EMC10: variants seen among roughly 807,000 people sequenced by gnomAD.
EMC10 encodes UPF0510 protein INM02.
Under a neutral mutation model 32.2 loss-of-function variants are expected in EMC10, and 40 were observed. The observed-to-expected ratio is 1.24, with a 90% confidence interval of 0.96 to 1.61. EMC10 has a LOEUF of 1.61. Among genes scored for constraint, EMC10 ranks in the 40% most tolerant of loss-of-function variants. The pLI is 0.00. For missense variants in EMC10, 402 were observed against 357.7 expected (o/e 1.12, Z -1.00); for synonymous variants, 178 against 158.4 (o/e 1.12, Z -0.93).
Position 50,480,758 on chromosome 19 carries a change from C to G in EMC10, c.580C>G (p.Pro194Ala). 1 of 1,586,592 alleles carries G rather than the reference C, an allele frequency of 6.3e-7. No homozygotes were observed. The highest frequency in any genetic ancestry group is 8.6e-7 in the Non-Finnish European group (1 of 1,165,544). The change falls in exon 5 of 7, where the codon CCA (proline) becomes GCA (alanine). Residue 194 changes from proline (P) to alanine (A), a missense_variant. Pro to Ala is a conservative substitution (Grantham distance 27, BLOSUM62 -1). Transcript: ENST00000334976. This position sits in a 1 kb window ranked among gnomAD's most constrained non-coding sequence, Gnocchi z 4.4. Reference protein sequence around the residue: ...SVQLQPPTTAPGPETAAFIER... With the variant: ...SVQLQPPTTAAGPETAAFIER... The stretch of plus-strand genomic sequence containing the variant: ...GCAGCTGCAGCCGCCCACCACAGCC[C>G]CAGGGTGAGCCTCTGCTGCCTTCGC...
In EMC10 at chr19:50,480,575, C is replaced by G. The variant is rs1443583272; in HGVS notation, c.403-6C>G. The G allele has an allele frequency of 2.4e-5, 37 of 1,551,904 alleles. No homozygotes were observed. The highest frequency in any genetic ancestry group is 3.2e-5 in the Non-Finnish European group (37 of 1,147,742). On this transcript the variant is annotated splice_region_variant and splice_polypyrimidine_tract_variant and intron_variant, in intron 4 of 6. Coordinates refer to ENST00000334976, the MANE Select transcript of EMC10 (RefSeq NM_206538.4). The surrounding 1 kb of genome is among the most constrained non-coding windows in gnomAD (Gnocchi z 4.4). ...CCCACCTCCACTGACCCCACTCCCC[C>G]CACAGTGCTCCCTGGTGGAGTCGCA... is the stretch of plus-strand genomic sequence containing the variant.
Position 50,480,731 on chromosome 19 carries a change from G to T in EMC10, c.553G>T (p.Val185Leu), listed in dbSNP as rs372648694. The change falls in exon 5 of 7, where the codon GTG becomes TTG. Residue 185 changes from valine (V) to leucine (L), a missense_variant. Transcript: ENST00000334976. This position sits in a 1 kb window ranked among gnomAD's most constrained non-coding sequence, Gnocchi z 4.4. ...DVDLELFNTS[V>L]QLQPPTTAPG... ...GGACCTGGAGCTGTTCAACACCTCG[G>T]TGCAGCTGCAGCCGCCCACCACAGC... 4.4e-6 allele frequency: 7 copies of T among 1,602,046 alleles called. No homozygotes were observed. The highest frequency in any genetic ancestry group is 3.4e-6 in the Non-Finnish European group (4 of 1,174,808).
intron 3 of EMC10, among the ~76,000 whole-genome samples, chr19:50,479,790 T>C (rs1158236149): frequency 6.6e-6 from 1 of 152,196 alleles, no homozygotes; most frequent in African/African-American, 2.4e-5. Context: ...CGTCCAGGCA[T>C]AGGGTGGACG....
chr19:50,476,966 G>A (rs904844414), intron 1 of EMC10: 5 of 296,916 alleles, frequency 1.7e-5, no homozygotes, highest in Non-Finnish European at 3.1e-5. Flanking sequence ...AAATGAAAGA[G>A]GCAAGGTGAA....
chr19:50,476,655 A>AG lies in EMC10; in HGVS notation c.114+1dup, dbSNP rs758567631. On this transcript the variant is annotated frameshift_variant, in exon 1 of 7. Coordinates refer to ENST00000334976, the MANE Select transcript of EMC10 (RefSeq NM_206538.4). LOFTEE classifies it high-confidence loss of function. ...GCTGCCGGGCCGGGACTGGTGCGCGAGGGGTGAGTGCTCTTTAGCTGTGCA... is the reference window on the plus strand; with the variant it reads ...GCTGCCGGGCCGGGACTGGTGCGCGAGGGGGTGAGTGCTCTTTAGCTGTGCA... The AG allele has an allele frequency of 3.3e-6, 5 of 1,525,276 alleles. No individual in the cohort carries two copies. The highest frequency in any genetic ancestry group is 3.5e-6 in the Non-Finnish European group (4 of 1,141,134). The allele number at this position is 1,525,276 out of a possible 1,614,324, so 94.5% of individuals were successfully genotyped here. A position where few individuals can be genotyped will look rare whatever the true frequency, so the allele number is the denominator to read the frequency against.
Position 50,476,648 on chromosome 19 carries a change from G to A in EMC10, c.104G>A (p.Gly35Asp). The change falls in exon 1 of 7, where the codon GGT becomes GAT. Residue 35 changes from glycine to aspartate, a missense_variant. Transcript: ENST00000334976. The part of the protein sequence containing the change: ...ARGSGCRAGT[G>D]ARGAGAEGRE... ...GGCAGCGGCTGCCGGGCCGGGACTG[G>A]TGCGCGAGGGGTGAGTGCTCTTTAG... 1.3e-6 allele frequency: 2 copies of A among 1,533,724 alleles called. No individual in the cohort carries two copies. The highest frequency in any genetic ancestry group is 2.4e-5 in the East Asian group (1 of 41,274).
chr19:50,481,973 C>A, intron 6 of EMC10, 176 bp from the exon 7 acceptor site: 1 of 1,607,230 alleles, frequency 6.2e-7, no homozygotes, highest in Non-Finnish European at 8.5e-7. Flanking sequence ...CCTGCCCCTC[C>A]CTGCGCCCCA....
At position 50,482,788 on chromosome 19, in the gene EMC10, A is replaced by C; in HGVS notation, c.*529A>C. 2.0e-6 allele frequency: 1 copy of C among 505,912 alleles called. No homozygotes were observed. Among genetic ancestry groups the C allele is most frequent in the Non-Finnish European group, 3.5e-6 (1 of 287,712 alleles). 31.3% of individuals were successfully genotyped at this position (505,912 alleles called of 1,614,324 possible). On this transcript the variant is annotated 3_prime_UTR_variant, in exon 7 of 7. Transcript: ENST00000334976. The stretch of plus-strand genomic sequence containing the variant: ...CCCTGGGTCCCCTCATCAGGGGCAG[A>C]GGCATGAAAGAGTCGGGGCTGGATG...
chr19:50,476,834 C>T (rs1319665687), intron 1 of EMC10, 176 bp downstream of exon 1: 3 of 504,620 alleles, frequency 5.9e-6, no homozygotes, highest in South Asian at 2.8e-5. Context: ...GCCAGTGCAC[C>T]GGGTTGCAAG....
rs1306352713 is a variant in EMC10 at position 50,482,519 on chromosome 19, T to A, written c.*260T>A. On this transcript the variant is annotated 3_prime_UTR_variant, in exon 7 of 7. Transcript: ENST00000334976. ...CATGCAGCCCCAGGGGCTTCCCCCCTGCCCATGGAGTAGAGCCCGAGATCC... is the reference window on the plus strand; with the variant it reads ...CATGCAGCCCCAGGGGCTTCCCCCCAGCCCATGGAGTAGAGCCCGAGATCC... The A allele has an allele frequency of 1.2e-5, 7 of 562,740 alleles. No homozygotes were observed. Among genetic ancestry groups the A allele is most frequent in the African/African-American group, 1.2e-4 (6 of 51,928 alleles). 34.9% of individuals were successfully genotyped at this position (562,740 alleles called of 1,614,324 possible).
chr19:50,479,129 G>A (rs558192131), intron 3 of EMC10, 63 bp downstream of exon 3: 1 of 1,317,750 alleles, frequency 7.6e-7, no homozygotes, highest in African/African-American at 1.5e-5. Flanking sequence ...TGTCTCTTCA[G>A]CCACCCCCTG....
Position 50,479,070 on chromosome 19 carries a change from A to T in EMC10, c.297+4A>T, listed in dbSNP as rs370430950. On this transcript the variant is annotated splice_donor_region_variant and intron_variant, in intron 3 of 6. Transcript: ENST00000334976. ...GGAGGAGCGGGGCCGACTCCGGGTG[A>T]GGTGGGGCCCTCAGGGCTGGGTGTG... The T allele has an allele frequency of 8.8e-6, 14 of 1,597,070 alleles. No individual in the cohort carries two copies. In the African/African-American group the frequency reaches 1.7e-4, roughly 20 times the overall value.
At position 50,476,658 on chromosome 19, in the gene EMC10, G is replaced by A. The variant is rs1277348841; in HGVS notation, c.114G>A (p.Gly38=). The A allele has an allele frequency of 1.8e-5, 27 of 1,520,074 alleles. No homozygotes were observed. Among genetic ancestry groups the A allele is most frequent in the Admixed American group, 4.1e-5 (2 of 49,216 alleles). The allele number at this position is 1,520,074 out of a possible 1,614,324, so 94.2% of individuals were successfully genotyped here. A position where few individuals can be genotyped will look rare whatever the true frequency, so the allele number is the denominator to read the frequency against. ...SGCRAGTGAR[G]AGAEGREGEA... Reference sequence around the variant, plus strand: ...GCCGGGCCGGGACTGGTGCGCGAGGGGTGAGTGCTCTTTAGCTGTGCATAG... The same window carrying A: ...GCCGGGCCGGGACTGGTGCGCGAGGAGTGAGTGCTCTTTAGCTGTGCATAG... Residue 38 remains glycine, a splice_region_variant and synonymous_variant, in exon 1 of 7, where the codon GGG becomes GGA. Coordinates refer to ENST00000334976, the MANE Select transcript of EMC10 (RefSeq NM_206538.4).
At position 50,482,136 on chromosome 19, in the gene EMC10, C is replaced by T. The variant is rs755330347; in HGVS notation, c.679-13C>T. 4.5e-5 allele frequency: 69 copies of T among 1,539,960 alleles called. No homozygotes were observed. Among genetic ancestry groups the T allele is most frequent in the Admixed American group, 4.2e-4 (25 of 59,832 alleles). ...TTCTGTGTCTGTCTGTCCATCCTTC[C>T]GTCCGGCTGCAGTGGATGTACATCA... is the stretch of plus-strand genomic sequence containing the variant. On this transcript the variant is annotated splice_polypyrimidine_tract_variant and intron_variant, in intron 6 of 6. Transcript: ENST00000334976.
At chr19:50,482,068 G>T (rs2040329184) in intron 6 of EMC10, 81 bp from the exon 7 acceptor site, 1 of 1,421,144 alleles carries the variant, frequency 7.0e-7, no homozygotes, top group Non-Finnish European at 1.0e-6. Context: ...CCCCACCGTG[G>T]GTGGGTGATG....
At chr19:50,476,891 G>T in intron 1 of EMC10, 2 of 422,544 alleles carry the variant, frequency 4.7e-6, no homozygotes, top group Non-Finnish European at 4.2e-6. Flanking sequence ...TCTGGCTCGG[G>T]AATATGTATG....
In EMC10 at chr19:50,486,496, T is replaced by G. The variant is rs1449721513; in HGVS notation, c.*4237T>G. The G allele has an allele frequency of 1.3e-5, 2 of 152,160 alleles. No homozygotes were observed. Among genetic ancestry groups the G allele is most frequent in the Non-Finnish European group, 1.5e-5 (1 of 68,020 alleles). The allele number at this position is 152,160 out of a possible 1,614,324, so 9.4% of individuals were successfully genotyped here. A position where few individuals can be genotyped will look rare whatever the true frequency, so the allele number is the denominator to read the frequency against. ...CCACCGCCCCTGGCCTCTGTAGGCT[T>G]CTTTAACCCATCAGAGAGACTCCCT... On this transcript the variant is annotated 3_prime_UTR_variant, in exon 7 of 7. Coordinates refer to ENST00000334976, the MANE Select transcript of EMC10 (RefSeq NM_206538.4).
rs755348740 is a variant in EMC10 at position 50,482,208 on chromosome 19, G to A, written c.738G>A (p.Gly246=). The A allele has an allele frequency of 1.8e-6, 2 of 1,130,018 alleles. No individual in the cohort carries two copies. The highest frequency in any genetic ancestry group is 4.9e-5 in the East Asian group (2 of 41,092). The allele number at this position is 1,130,018 out of a possible 1,614,324, so 70.0% of individuals were successfully genotyped here. ...FLMMSGAPDT[G]GQGGGGGGGG... is the part of the protein sequence containing the mutation. Reference sequence around the variant, plus strand: ...TGATGTCAGGAGCGCCAGACACCGGGGGCCAGGGTGGGGGTGGGGGTGGGG... The same window carrying A: ...TGATGTCAGGAGCGCCAGACACCGGAGGCCAGGGTGGGGGTGGGGGTGGGG... The change falls in exon 7 of 7, where the codon GGG becomes GGA. Residue 246 remains glycine (G), a synonymous_variant. Coordinates refer to ENST00000334976, the MANE Select transcript of EMC10 (RefSeq NM_206538.4).
rs1483295606 is a variant in EMC10 at position 50,487,368 on chromosome 19, C to A, written c.*5109C>A. On this transcript the variant is annotated 3_prime_UTR_variant, in exon 7 of 7. Transcript: ENST00000334976. ...CTCCTGGCCAACCCCAGGGGCCCCA[C>A]CCAGTCCTGTCCCTGCTCCTTACGT... The A allele has an allele frequency of 6.6e-6, 1 of 152,286 alleles. No homozygotes were observed. Among genetic ancestry groups the A allele is most frequent in the Non-Finnish European group, 1.5e-5 (1 of 68,096 alleles). 9.4% of individuals were successfully genotyped at this position (152,286 alleles called of 1,614,324 possible).
Sources: allele counts gnomAD v4.1 joint callset (sites outside exome capture counted in the v4.1 genomes callset), GRCh38; gene constraint gnomAD v4.1.1; non-coding constraint Gnocchi (gnomAD v3.1); transcripts MANE v1.5; gene names NCBI Gene and HGNC (gene_info 2026-07-23, HGNC 2026-07-21).